TAC1: variants seen among roughly 807,000 people sequenced by gnomAD.
The protein encoded by TAC1 is protachykinin-1.
In TAC1, 12 loss-of-function variants were observed where a neutral mutation model predicts 21.7. The observed-to-expected ratio is 0.55, with a 90% CI of 0.35 to 0.89. TAC1 has a LOEUF of 0.89. Among genes scored for constraint, TAC1 ranks in the 40% least tolerant of loss-of-function variants. The pLI is 0.01. For missense variants in TAC1, 128 were observed against 151.4 expected, an observed-to-expected ratio of 0.85 and a Z score of 0.81; for synonymous variants, 52 against 52.0, an observed-to-expected ratio of 1.00 and a Z score of 0.00.
chr7:97,735,487 G>A (rs558053751), intron 5 of TAC1, among the ~76,000 whole-genome samples: 5 of 152,224 alleles, frequency 3.3e-5, no homozygotes, highest in East Asian at 1.9e-4. Context: ...TAATGGAACC[G>A]GAGTTGACAA....
intron 2 of TAC1, 63 bp from the exon 3 acceptor site, chr7:97,733,659 CG>C: frequency 6.5e-7 from 1 of 1,532,744 alleles, no homozygotes; most frequent in Non-Finnish European, 9.0e-7. Context: ...GGGAAGGGCT[CG>C]GGTTGCTGGG....
At chr7:97,733,564 A>G (rs1363802725) in intron 2 of TAC1, among the ~76,000 whole-genome samples, 159 bp from the exon 3 acceptor site, 1 of 151,796 alleles carries the variant, frequency 6.6e-6, no homozygotes, top group Admixed American at 6.5e-5. Flanking sequence ...AGGGGCGCAG[A>G]GAGGCAGCGC....
chr7:97,733,931 G>C, intron 3 of TAC1, 112 bp downstream of exon 3: 1 of 1,101,826 alleles, frequency 9.1e-7, no homozygotes, highest in East Asian at 2.5e-5. Flanking sequence ...ACTCCAAGAG[G>C]GGTGTAATTC....
intron 5 of TAC1, 86 bp downstream of exon 5, chr7:97,734,935 G>T: frequency 9.1e-7 from 1 of 1,094,464 alleles, no homozygotes; most frequent in Non-Finnish European, 1.4e-6. Context: ...CTTATTTTCT[G>T]TCATGACTCT....
At chr7:97,739,254 A>G (rs899221554) in intron 6 of TAC1, among the ~76,000 whole-genome samples, 65 of 151,954 alleles carry the variant, frequency 4.3e-4, no homozygotes, top group African/African-American at 1.2e-3. Context: ...AGAGACCCCT[A>G]CACAATTAGA....
chr7:97,739,264 A>T (rs1789647529), intron 6 of TAC1, among the ~76,000 whole-genome samples: 2 of 151,952 alleles, frequency 1.3e-5, no homozygotes, highest in African/African-American at 4.8e-5. Flanking sequence ...ACACAATTAG[A>T]TGCCCCTTGA....
Position 97,732,693 on chromosome 7 carries a change from T to C in TAC1, c.81T>C (p.Asp27=). 1.2e-6 allele frequency: 2 copies of C among 1,614,052 alleles called. No individual in the cohort carries two copies. Among genetic ancestry groups the C allele is most frequent in the Non-Finnish European group, 8.5e-7 (1 of 1,180,024 alleles). The change falls in exon 2 of 7, where the codon GAT becomes GAC. Residue 27 remains aspartate, a synonymous_variant. Coordinates refer to ENST00000319273, the MANE Select transcript of TAC1 (RefSeq NM_003182.3). The surrounding 1 kb of genome is among the most constrained non-coding windows in gnomAD (Gnocchi z 6.2). ...LFAEEIGAND[D]LNYWSDWYDS... is the part of the protein sequence containing the mutation. ...CAGAAGAAATAGGAGCCAATGATGA[T>C]CTGAATTACTGGTCCGACTGGTACG...
At chr7:97,733,139 G>A (rs1789473790) in intron 2 of TAC1, 1 of 186,636 alleles carries the variant, frequency 5.4e-6, no homozygotes, top group Non-Finnish European at 1.1e-5. Flanking sequence ...GCGGGCACAC[G>A]CGCGAGCTGC....
chr7:97,734,921 T>C (rs1269730706), intron 5 of TAC1, 72 bp downstream of exon 5: 1 of 1,239,446 alleles, frequency 8.1e-7, no homozygotes. Context: ...TTTATTTATC[T>C]TACCTTATTT....
In TAC1 at chr7:97,733,833, C is replaced by T; in HGVS notation, c.220+14C>T. On this transcript the variant is annotated intron_variant, in intron 3 of 6. Coordinates refer to ENST00000319273, the MANE Select transcript of TAC1 (RefSeq NM_003182.3). ...AACGGGATGCTGGTGAGATAGGCGA[C>T]CGTCCCTAGGTGTCTTGGGCAGCCC... The T allele has an allele frequency of 6.2e-7, 1 of 1,613,668 alleles. No homozygotes were observed. The highest frequency in any genetic ancestry group is 1.1e-5 in the South Asian group (1 of 91,064).
chr7:97,734,057 A>G (rs1789503855), intron 3 of TAC1, 191 bp from the exon 4 acceptor site: 1 of 682,532 alleles, frequency 1.5e-6, no homozygotes, highest in Non-Finnish European at 2.5e-6. Context: ...TTGACTAAAG[A>G]TCCAAACTGA....
chr7:97,737,443 CTT>C (rs1193156700), intron 6 of TAC1, among the ~76,000 whole-genome samples: 2 of 151,450 alleles, frequency 1.3e-5, no homozygotes, highest in Admixed American at 6.6e-5. Flanking sequence ...AAATGTAAGA[CTT>C]GGGTACATTA....
At position 97,738,300 on chromosome 7, in the gene TAC1, A is replaced by T. The variant is rs1249914316; in HGVS notation, c.344-1574A>T. Reference sequence around the variant, plus strand: ...TAGATAGATGCCCTTTCCCAGAGAAACCCTCATCAGCTCATACACTCAAAA... The same window carrying T: ...TAGATAGATGCCCTTTCCCAGAGAATCCCTCATCAGCTCATACACTCAAAA... On this transcript the variant is annotated intron_variant, in intron 6 of 6. Coordinates refer to ENST00000319273, the MANE Select transcript of TAC1 (RefSeq NM_003182.3). Among the ~76,000 whole-genome samples, 8 of 151,944 alleles carry T rather than the reference A, an allele frequency of 5.3e-5. No homozygotes were observed. The East Asian group carries it at 1.5e-3, about 29-fold the overall frequency.
intron 4 of TAC1, 128 bp downstream of exon 4, chr7:97,734,420 A>C: frequency 5.4e-6 from 4 of 736,838 alleles, no homozygotes; most frequent in East Asian, 2.8e-5. Context: ...GGATTTGCGC[A>C]CTCTCTCTCG....
In TAC1 at chr7:97,732,840, C is replaced by A. The variant is rs764441574; in HGVS notation, c.123+105C>A. On this transcript the variant is annotated intron_variant, in intron 2 of 6. Coordinates refer to ENST00000319273, the MANE Select transcript of TAC1 (RefSeq NM_003182.3). The surrounding 1 kb of genome is among the most constrained non-coding windows in gnomAD (Gnocchi z 6.2). ...GTTAACGTGGCACGCACCGCCACCA[C>A]GGAAAGAGGCAGCGGTTGCGTGCGA... The A allele has an allele frequency of 8.8e-5, 124 of 1,411,182 alleles. No homozygotes were observed. The highest frequency in any genetic ancestry group is 8.8e-5 in the Non-Finnish European group (92 of 1,048,486). The allele number at this position is 1,411,182 out of a possible 1,614,324, so 87.4% of individuals were successfully genotyped here.
rs1041207121 is a variant in TAC1 at position 97,733,629 on chromosome 7, C to T, written c.124-94C>T. 2.0e-5 allele frequency: 26 copies of T among 1,277,224 alleles called. No homozygotes were observed. The African/African-American group carries it at 3.1e-4, about 15-fold the overall frequency. 79.1% of individuals were successfully genotyped at this position (1,277,224 alleles called of 1,614,324 possible). On this transcript the variant is annotated intron_variant, in intron 2 of 6. Transcript: ENST00000319273. ...TGGGGAAGGCCGCCTCCCCACGCCTCGGGGCCGGAGTACAGCGGGGGGAAG... is the reference window on the plus strand; with the variant it reads ...TGGGGAAGGCCGCCTCCCCACGCCTTGGGGCCGGAGTACAGCGGGGGGAAG...
chr7:97,734,328 G>T, intron 4 of TAC1, 36 bp downstream of exon 4: 1 of 1,564,956 alleles, frequency 6.4e-7, no homozygotes, highest in Non-Finnish European at 8.8e-7. Context: ...TTACTATTGT[G>T]AAAGCACATG....
Position 97,732,999 on chromosome 7 carries a change from G to C in TAC1, c.123+264G>C. The C allele has an allele frequency of 2.5e-6, 1 of 397,992 alleles. No individual in the cohort carries two copies. The highest frequency in any genetic ancestry group is 4.6e-6 in the Non-Finnish European group (1 of 218,202). The allele number at this position is 397,992 out of a possible 1,614,324, so 24.7% of individuals were successfully genotyped here. A position where few individuals can be genotyped will look rare whatever the true frequency, so the allele number is the denominator to read the frequency against. On this transcript the variant is annotated intron_variant, in intron 2 of 6. Transcript: ENST00000319273. This position sits in a 1 kb window ranked among gnomAD's most constrained non-coding sequence, Gnocchi z 6.2. Reference sequence around the variant, plus strand: ...GGGATGCCCTCCCGGATGAGCCCGAGATCCTCACAAGGCGGGAAATCTCGT... The same window carrying C: ...GGGATGCCCTCCCGGATGAGCCCGACATCCTCACAAGGCGGGAAATCTCGT...
intron 2 of TAC1, among the ~76,000 whole-genome samples, chr7:97,733,493 C>G (rs1357177363): frequency 6.6e-6 from 1 of 152,070 alleles, no homozygotes; most frequent in South Asian, 2.1e-4. Context: ...TTGAAGACGC[C>G]GAGCCAGCTG....
Sources: allele counts gnomAD v4.1 joint callset (sites outside exome capture counted in the v4.1 genomes callset), GRCh38; gene constraint gnomAD v4.1.1; non-coding constraint Gnocchi (gnomAD v3.1); transcripts MANE v1.5; gene names NCBI Gene and HGNC (gene_info 2026-07-23, HGNC 2026-07-21).